The following TMTC2 variants were observed in gnomAD, a reference collection of about 807,000 sequenced individuals.
The protein encoded by TMTC2 is transmembrane O-mannosyltransferase targeting cadherins 2.
A neutral mutation model predicts 82.4 loss-of-function variants in TMTC2; 43 were observed. That is an observed-to-expected ratio of 0.52 (90% CI 0.41 to 0.67). The LOEUF (loss-of-function observed/expected upper bound fraction) is 0.67. Among genes scored for constraint, TMTC2 ranks in the 30% least tolerant of loss-of-function variants. TMTC2 has a pLI of 0.00. For synonymous variants in TMTC2, 408 were observed against 381.9 expected, an observed-to-expected ratio of 1.07 and a Z score of -0.80; for missense variants, 919 against 1,012.4, an observed-to-expected ratio of 0.91 and a Z score of 1.25.
At chr12:82,909,018 C>T (rs1417393457) in intron 3 of TMTC2, among the ~76,000 whole-genome samples, 2 of 152,154 alleles carry the variant, frequency 1.3e-5, no homozygotes, top group Non-Finnish European at 2.9e-5. Context: ...TGTAGTATTG[C>T]CCCAAACTTT....
intron 1 of TMTC2, among the ~76,000 whole-genome samples, chr12:82,700,914 C>T (rs1033155962): frequency 1.6e-4 from 24 of 152,248 alleles, no homozygotes; most frequent in African/African-American, 3.9e-4. Context: ...AGCAAAGGCA[C>T]GGCTTACATG....
At chr12:82,719,508 G>C (rs550337907) in intron 1 of TMTC2, among the ~76,000 whole-genome samples, 1 of 152,138 alleles carries the variant, frequency 6.6e-6, no homozygotes. Context: ...TTTGCAGATG[G>C]TAGACTCTTG....
chr12:82,700,148 G>A lies in TMTC2; in HGVS notation c.83+12479G>A, dbSNP rs79516541. On this transcript the variant is annotated intron_variant, in intron 1 of 11. Coordinates refer to ENST00000321196, the MANE Select transcript of TMTC2 (RefSeq NM_152588.3). Reference sequence around the variant, plus strand: ...CACTGATACCAAGGGGTGACTGTACGTGCTAATGGTGTTATTTTGATTGTG... The same window carrying A: ...CACTGATACCAAGGGGTGACTGTACATGCTAATGGTGTTATTTTGATTGTG... 2.5e-3 allele frequency among the ~76,000 whole-genome samples: 377 copies of A among 152,188 alleles called. 14 individuals are homozygous for A. The East Asian group carries it at 0.057, about 23-fold the overall frequency.
chr12:82,759,433 A>G (rs891565570), intron 1 of TMTC2: 6 of 152,150 alleles, frequency 3.9e-5, no homozygotes, highest in Non-Finnish European at 5.9e-5. Context: ...TGAACAGTTT[A>G]TTTTCTCTCT....
At chr12:82,994,005 G>A (rs1189915613) in intron 8 of TMTC2, among the ~76,000 whole-genome samples, 3 of 152,112 alleles carry the variant, frequency 2.0e-5, no homozygotes, top group Non-Finnish European at 4.4e-5. Context: ...TGAGCAGCGT[G>A]CATGTAACAG....
At chr12:82,986,206 G>A (rs1407723989) in intron 8 of TMTC2, 160 bp downstream of exon 8, 2 of 926,300 alleles carry the variant, frequency 2.2e-6, no homozygotes, top group African/African-American at 1.7e-5. Context: ...ATAGAAAAAT[G>A]TGTTACTTTG....
intron 1 of TMTC2, among the ~76,000 whole-genome samples, chr12:82,747,764 C>T (rs900756051): frequency 1.3e-5 from 2 of 152,046 alleles, no homozygotes; most frequent in Non-Finnish European, 2.9e-5. Context: ...TACTTAAATA[C>T]GTTTAGCACT....
chr12:82,956,741 A>G (rs2137288329), intron 4 of TMTC2, among the ~76,000 whole-genome samples: 1 of 152,288 alleles, frequency 6.6e-6, no homozygotes, highest in South Asian at 2.1e-4. Context: ...GGGATGAGCC[A>G]CTGCACCTGG....
At chr12:83,009,212 G>A (rs953650267) in intron 8 of TMTC2, among the ~76,000 whole-genome samples, 1 of 152,130 alleles carries the variant, frequency 6.6e-6, no homozygotes, top group South Asian at 2.1e-4. Flanking sequence ...GGCTCTGGAT[G>A]TATTTCACAG....
At chr12:82,911,684 C>A (rs1874669515) in intron 3 of TMTC2, among the ~76,000 whole-genome samples, 1 of 151,988 alleles carries the variant, frequency 6.6e-6, no homozygotes, top group Admixed American at 6.6e-5. Context: ...CTCACTGCAA[C>A]CTCTGCCTCC....
chr12:82,990,288 A>G (rs538175614), intron 8 of TMTC2, among the ~76,000 whole-genome samples: 1 of 152,320 alleles, frequency 6.6e-6, no homozygotes, highest in East Asian at 1.9e-4. Flanking sequence ...TACAAGATAT[A>G]TTAGAAAAAT....
chr12:82,843,448 TGAA>T (rs112249695), intron 1 of TMTC2, among the ~76,000 whole-genome samples: 10,129 of 152,080 alleles, frequency 0.067, 466 homozygotes, highest in African/African-American at 0.12. Flanking sequence ...TGATGAGGCT[TGAA>T]GAAGATCATG....
intron 1 of TMTC2, among the ~76,000 whole-genome samples, chr12:82,739,101 T>C (rs1875264678): frequency 6.8e-6 from 1 of 148,082 alleles, no homozygotes; most frequent in Non-Finnish European, 1.5e-5. Context: ...TGAGGTGAGA[T>C]CATGCCACTG....
At chr12:83,089,622 G>A (rs11115575) in intron 11 of TMTC2, among the ~76,000 whole-genome samples, 18,830 of 152,062 alleles carry the variant, frequency 0.12, 1,930 homozygotes, top group African/African-American at 0.27. Flanking sequence ...TAGGTAGGGA[G>A]TGTAAGAACA....
At chr12:82,890,382 C>T (rs1419337939) in intron 2 of TMTC2, among the ~76,000 whole-genome samples, 1 of 152,216 alleles carries the variant, frequency 6.6e-6, no homozygotes, top group Non-Finnish European at 1.5e-5. Flanking sequence ...GGGTTCTAAC[C>T]TCCTTTGTAG....
At chr12:82,735,463 A>C (rs1398502451) in intron 1 of TMTC2, among the ~76,000 whole-genome samples, 1 of 151,214 alleles carries the variant, frequency 6.6e-6, no homozygotes, top group African/African-American at 2.4e-5. Context: ...CTCCTGTCTC[A>C]GCCTCCCAAG....
At chr12:82,951,171 A>C (rs1426502891) in intron 4 of TMTC2, among the ~76,000 whole-genome samples, 3 of 152,026 alleles carry the variant, frequency 2.0e-5, no homozygotes, top group Non-Finnish European at 2.9e-5. Context: ...ATGTGCCCTT[A>C]TTTACCTAGT....
chr12:82,970,379 C>T (rs929765279), intron 7 of TMTC2, among the ~76,000 whole-genome samples: 5 of 151,214 alleles, frequency 3.3e-5, no homozygotes, highest in African/African-American at 9.9e-5. Flanking sequence ...GGCGGGACTG[C>T]GGACTGCAGT....
At chr12:82,826,260 T>G (rs7315531) in intron 1 of TMTC2, among the ~76,000 whole-genome samples, 1 of 152,134 alleles carries the variant, frequency 6.6e-6, no homozygotes, top group South Asian at 2.1e-4. Context: ...CTTCTTATGG[T>G]GAGTTTAGAT....
Sources: gnomAD v4.1 joint callset for allele counts (sites outside exome capture counted in the v4.1 genomes callset) on GRCh38, gnomAD v4.1.1 for gene constraint, MANE v1.5 for transcripts, NCBI Gene and HGNC (gene_info 2026-07-23, HGNC 2026-07-21) for gene names.